GRM7: variants seen among roughly 807,000 people sequenced by gnomAD.
GRM7 encodes metabotropic glutamate receptor 7.
GRM7 carries 35 observed loss-of-function variants against 84.5 expected under a neutral mutation model. That is an observed-to-expected ratio of 0.41 (90% CI 0.32 to 0.55). The LOEUF (loss-of-function observed/expected upper bound fraction) is 0.55. Among genes scored for constraint, GRM7 ranks in the 20% least tolerant of loss-of-function variants. The pLI is 0.19. For synonymous variants in GRM7, 487 were observed against 455.1 expected (o/e 1.07, Z -0.89); for missense variants, 1,003 against 1,194.6 (o/e 0.84, Z 2.36).
chr3:7,228,624 G>T (rs1355634047), intron 2 of GRM7, among the ~76,000 whole-genome samples: 2 of 152,086 alleles, frequency 1.3e-5, no homozygotes, highest in African/African-American at 4.8e-5. Flanking sequence ...GAGAATTCTG[G>T]GGTTATCTCT....
intron 2 of GRM7, among the ~76,000 whole-genome samples, chr3:7,155,959 G>C (rs1694435724): frequency 6.6e-6 from 1 of 152,092 alleles, no homozygotes; most frequent in Non-Finnish European, 1.5e-5. Flanking sequence ...AAACCACATT[G>C]TCCATAATCA....
rs551367351 is a variant in GRM7, at chr3:7,151,562, A to G, written c.736+4894A>G. On this transcript the variant is annotated intron_variant, in intron 2 of 9. Transcript: ENST00000357716. This position sits in a 1 kb window ranked among gnomAD's most constrained non-coding sequence, Gnocchi z 4.5. ...CATTGCCCATTGTTAGTCTTTGCCA[A>G]TTTACTTTAAGCTCCATAAGGGCAA... 1.7e-4 allele frequency among the ~76,000 whole-genome samples: 26 copies of G among 152,238 alleles called. No homozygotes were observed. Among genetic ancestry groups the G allele is most frequent in the African/African-American group, 5.8e-4 (24 of 41,528 alleles).
intron 7 of GRM7, among the ~76,000 whole-genome samples, chr3:7,563,345 T>C (rs1293047963): frequency 6.6e-6 from 1 of 152,174 alleles, no homozygotes; most frequent in East Asian, 1.9e-4. Context: ...TTTTATATCC[T>C]AATCCTAAAA....
At chr3:7,307,632 T>G (rs1700240683) in intron 4 of GRM7, among the ~76,000 whole-genome samples, 1 of 152,228 alleles carries the variant, frequency 6.6e-6, no homozygotes, top group Admixed American at 6.5e-5. Flanking sequence ...AAAAATCTCA[T>G]GAGTCACCCA....
At chr3:7,140,129 A>G (rs1693899789) in intron 1 of GRM7, among the ~76,000 whole-genome samples, 1 of 151,926 alleles carries the variant, frequency 6.6e-6, no homozygotes, top group Non-Finnish European at 1.5e-5. Context: ...TATGGTGGCT[A>G]TAATCAAAAA....
rs374901843 is a variant in GRM7, at chr3:7,374,420, C to T, written c.1034-40603C>T. The stretch of plus-strand genomic sequence containing the variant: ...TCTAGAACTCCTGGCCTCTAGCAAT[C>T]ATCCCACCTCAGCCTCCCAGAGCAC... On this transcript the variant is annotated intron_variant, in intron 4 of 9. Transcript: ENST00000357716. Among the ~76,000 whole-genome samples the T allele has an allele frequency of 2.0e-5, 3 of 152,018 alleles. No individual in the cohort carries two copies. In the East Asian group the frequency reaches 5.8e-4, roughly 29 times the overall value.
At chr3:6,898,022 T>C in intron 1 of GRM7, among the ~76,000 whole-genome samples, 1 of 152,142 alleles carries the variant, frequency 6.6e-6, no homozygotes, top group East Asian at 1.9e-4. Flanking sequence ...TCTTTCACCT[T>C]TTCTCTCATC....
At chr3:7,657,211 A>C (rs1008822552) in intron 8 of GRM7, among the ~76,000 whole-genome samples, 1 of 152,222 alleles carries the variant, frequency 6.6e-6, no homozygotes, top group African/African-American at 2.4e-5. Context: ...CTGCCTTCTA[A>C]TATCATTGTC....
At chr3:6,971,668 T>G (rs1164982702) in intron 1 of GRM7, among the ~76,000 whole-genome samples, 1 of 152,208 alleles carries the variant, frequency 6.6e-6, no homozygotes, top group Non-Finnish European at 1.5e-5. Flanking sequence ...CTATTCAGGT[T>G]TGTATGGGTT....
chr3:7,568,772 C>G (rs1256743211), intron 7 of GRM7, among the ~76,000 whole-genome samples: 1 of 152,174 alleles, frequency 6.6e-6, no homozygotes, highest in Non-Finnish European at 1.5e-5. Context: ...CTGGGTCCCC[C>G]AACAGTACCG....
intron 1 of GRM7, among the ~76,000 whole-genome samples, chr3:6,934,101 G>A (rs1697603237): frequency 1.3e-5 from 2 of 152,056 alleles, no homozygotes; most frequent in Admixed American, 1.3e-4. Context: ...ATACACCATG[G>A]TCCATTCAAT....
chr3:7,656,574 C>CACAA (rs1553632758), intron 8 of GRM7, among the ~76,000 whole-genome samples: 1 of 150,984 alleles, frequency 6.6e-6, no homozygotes, highest in African/African-American at 2.4e-5. Context: ...CACACACACA[C>CACAA]ACAAAGTGTG....
At chr3:7,619,083 G>A (rs767491291) in intron 8 of GRM7, among the ~76,000 whole-genome samples, 1 of 152,132 alleles carries the variant, frequency 6.6e-6, no homozygotes, top group Admixed American at 6.6e-5. Flanking sequence ...GGAAAGGAAG[G>A]GAGCCTGAGA....
chr3:7,682,336 C>T (rs80261340), intron 9 of GRM7: 1 of 51,098 alleles, frequency 2.0e-5, no homozygotes, highest in African/African-American at 6.6e-5. Context: ...AACTCCATCT[C>T]AAAAAAAAAA....
chr3:7,673,335 A>G (rs78161173), intron 8 of GRM7, among the ~76,000 whole-genome samples: 5,102 of 152,350 alleles, frequency 0.033, 287 homozygotes, highest in African/African-American at 0.12. Context: ...CTGATTCACC[A>G]GAATTTCATA....
At chr3:7,326,478 T>C (rs974775846) in intron 4 of GRM7, among the ~76,000 whole-genome samples, 14 of 152,156 alleles carry the variant, frequency 9.2e-5, no homozygotes, top group African/African-American at 3.4e-4. Context: ...TATCATTAGT[T>C]AATGGGGTTT....
chr3:7,526,303 C>G (rs1559380503), intron 7 of GRM7, among the ~76,000 whole-genome samples: 2 of 151,806 alleles, frequency 1.3e-5, no homozygotes, highest in East Asian at 1.9e-4. Flanking sequence ...TGATGTAAAG[C>G]TTTTTTTTCC....
intron 2 of GRM7, among the ~76,000 whole-genome samples, chr3:7,147,216 C>G (rs575223207): frequency 2.0e-5 from 3 of 152,118 alleles, no homozygotes; most frequent in Admixed American, 6.6e-5. Context: ...CTTCAGCAGC[C>G]CTTGGAGAGG....
At chr3:7,098,622 C>T (rs947513853) in intron 1 of GRM7, among the ~76,000 whole-genome samples, 2 of 151,822 alleles carry the variant, frequency 1.3e-5, no homozygotes, top group Non-Finnish European at 2.9e-5. Context: ...AAATATTTGT[C>T]CTTAATATTT....
Sources: allele counts gnomAD v4.1 joint callset (sites outside exome capture counted in the v4.1 genomes callset), GRCh38; gene constraint gnomAD v4.1.1; non-coding constraint Gnocchi (gnomAD v3.1); transcripts MANE v1.5; gene names NCBI Gene and HGNC (gene_info 2026-07-23, HGNC 2026-07-21).